Variants in EPM2A observed in about 807,000 individuals in gnomAD.
The protein encoded by EPM2A is EPM2A glucan phosphatase, laforin.
In EPM2A, 21 loss-of-function variants were observed where a neutral mutation model predicts 26.5. The ratio of observed to expected loss-of-function variants is 0.79; its 90% CI spans 0.56 to 1.14. The LOEUF (loss-of-function observed/expected upper bound fraction) is 1.14. Ranked by LOEUF, EPM2A falls within the 50% of genes most tolerant of loss-of-function variation. The pLI is 0.00. For missense variants in EPM2A, 458 were observed against 440.8 expected, an observed-to-expected ratio of 1.04 and a Z score of -0.35; for synonymous variants, 217 against 177.6, an observed-to-expected ratio of 1.22 and a Z score of -1.76.
chr6:145,717,649 A>G lies in EPM2A; in HGVS notation c.301+17549T>C, dbSNP rs184356105. Among the ~76,000 whole-genome samples the G allele has an allele frequency of 4.2e-4, 64 of 152,156 alleles. No homozygotes were observed. In the East Asian group the frequency reaches 9.3e-3, roughly 22 times the overall value. On this transcript the variant is annotated intron_variant, in intron 1 of 3. Coordinates refer to ENST00000367519, the MANE Select transcript of EPM2A (RefSeq NM_005670.4). ...TAGGCAGGAGAAAGAAATAAAGGGTATTCAATTAGGAAAAGAGGAAGTCAA... is the reference window on the plus strand; with the variant it reads ...TAGGCAGGAGAAAGAAATAAAGGGTGTTCAATTAGGAAAAGAGGAAGTCAA...
At chr6:145,731,754 AT>A (rs1432998719) in intron 1 of EPM2A, among the ~76,000 whole-genome samples, 5 of 152,028 alleles carry the variant, frequency 3.3e-5, no homozygotes, top group Admixed American at 1.3e-4. Flanking sequence ...TTTAGAAGAA[AT>A]TTTTTTAATG....
At chr6:145,549,001 A>AGGG (rs756837093) in intron 2 of EPM2A, among the ~76,000 whole-genome samples, 8 of 152,082 alleles carry the variant, frequency 5.3e-5, no homozygotes, top group Non-Finnish European at 1.2e-4. Context: ...TACCCTGTAA[A>AGGG]TTTACATTGA....
At chr6:145,629,756 T>G (rs1776107651) in intron 3 of EPM2A, 1 of 152,218 alleles carries the variant, frequency 6.6e-6, no homozygotes, top group African/African-American at 2.4e-5. Context: ...TGTGCCTGTC[T>G]CTCCAGATAC....
chr6:145,647,831 A>G (rs1444886383), intron 2 of EPM2A, among the ~76,000 whole-genome samples: 1 of 152,228 alleles, frequency 6.6e-6, no homozygotes, highest in Non-Finnish European at 1.5e-5. Context: ...TTTGACTTTC[A>G]CAAAACTGTG....
At chr6:145,616,978 G>A (rs1775527444) in intron 2 of EPM2A, among the ~76,000 whole-genome samples, 1 of 152,152 alleles carries the variant, frequency 6.6e-6, no homozygotes, top group African/African-American at 2.4e-5. Context: ...ATGCTGAAAT[G>A]AGTTGAGACT....
chr6:145,575,372 C>G (rs780264707), intron 2 of EPM2A, among the ~76,000 whole-genome samples: 1 of 152,124 alleles, frequency 6.6e-6, no homozygotes, highest in Non-Finnish European at 1.5e-5. Flanking sequence ...AGACACCTGG[C>G]GAGGCAGTGC....
chr6:145,576,210 CA>C (rs1781029234), intron 2 of EPM2A, among the ~76,000 whole-genome samples: 1 of 152,154 alleles, frequency 6.6e-6, no homozygotes, highest in South Asian at 2.1e-4. Flanking sequence ...GCTAAAATTA[CA>C]ATTCTAGAAT....
rs1241113061 is a variant in EPM2A at position 145,602,626 on chromosome 6, T to C, written c.340+32619A>G. Reference sequence around the variant, plus strand: ...GGAAGCCATTCCTATACCAGGATGGTTGTCAATAGTTTAGTTTAATTCCTC... The same window carrying C: ...GGAAGCCATTCCTATACCAGGATGGCTGTCAATAGTTTAGTTTAATTCCTC... On this transcript the variant is annotated intron_variant, in intron 2 of 3. Transcript: ENST00000450221. Among the ~76,000 whole-genome samples the C allele has an allele frequency of 2.0e-5, 3 of 152,198 alleles. No homozygotes were observed. The East Asian group carries it at 5.8e-4, about 29-fold the overall frequency.
At chr6:145,716,219 A>C (rs1775613298) in intron 1 of EPM2A, among the ~76,000 whole-genome samples, 2 of 152,218 alleles carry the variant, frequency 1.3e-5, no homozygotes, top group Admixed American at 1.3e-4. Context: ...ACAGATGCAG[A>C]ATCCATAGGG....
intron 2 of EPM2A, among the ~76,000 whole-genome samples, chr6:145,609,109 T>C (rs76969475): frequency 0.015 from 2,237 of 152,176 alleles, 45 homozygotes; most frequent in African/African-American, 0.05. Flanking sequence ...GTCAGAAGAG[T>C]AAGGAAATAG....
At chr6:145,505,258 T>A (rs554368921) in intron 2 of EPM2A, among the ~76,000 whole-genome samples, 88 of 146,242 alleles carry the variant, frequency 6.0e-4, no homozygotes, top group African/African-American at 1.6e-3. Flanking sequence ...AAAAAAAAAA[T>A]TTATTTTGAA....
chr6:145,618,443 C>A (rs1349486616), intron 2 of EPM2A, among the ~76,000 whole-genome samples: 1 of 152,184 alleles, frequency 6.6e-6, no homozygotes, highest in Non-Finnish European at 1.5e-5. Flanking sequence ...ACCCAAATCT[C>A]ATCTTGAATT....
Position 145,626,777 on chromosome 6 carries a change from A to T in EPM2A, c.*639T>A. 1 of 985,758 alleles carries T rather than the reference A, an allele frequency of 1.0e-6. No homozygotes were observed. The highest frequency in any genetic ancestry group is 1.2e-6 in the Non-Finnish European group (1 of 830,366). 61.1% of individuals were successfully genotyped at this position (985,758 alleles called of 1,614,324 possible). A position where few individuals can be genotyped will look rare whatever the true frequency, so the allele number is the denominator to read the frequency against. ...TTGCTTTGTTTGGTAATTTTGAGGA[A>T]AAACAACAACAAATGAGAGATAATT... is the stretch of plus-strand genomic sequence containing the variant. On this transcript the variant is annotated 3_prime_UTR_variant, in exon 4 of 4. Coordinates refer to ENST00000367519, the MANE Select transcript of EPM2A (RefSeq NM_005670.4).
intron 1 of EPM2A, among the ~76,000 whole-genome samples, chr6:145,696,608 T>C (rs1245613333): frequency 2.6e-5 from 4 of 152,110 alleles, no homozygotes; most frequent in African/African-American, 9.7e-5. Context: ...AAGTAACCCA[T>C]ACAGCAATGA....
In EPM2A at chr6:145,631,532, T is replaced by G. The variant is rs1776250589; in HGVS notation, c.718+3713A>C. 2.0e-5 allele frequency: 3 copies of G among 152,276 alleles called. No homozygotes were observed. In the South Asian group the frequency reaches 6.2e-4, roughly 32 times the overall value. The allele number at this position is 152,276 out of a possible 1,614,324, so 9.4% of individuals were successfully genotyped here. A position where few individuals can be genotyped will look rare whatever the true frequency, so the allele number is the denominator to read the frequency against. Reference sequence around the variant, plus strand: ...TCAGTAGATGCTCCATACACACTCATTAAGTCCATGAATAAACACAAGACT... The same window carrying G: ...TCAGTAGATGCTCCATACACACTCAGTAAGTCCATGAATAAACACAAGACT... On this transcript the variant is annotated intron_variant, in intron 3 of 3. Transcript: ENST00000367519.
At chr6:145,733,604 T>C (rs1274639509) in intron 1 of EPM2A, among the ~76,000 whole-genome samples, 1 of 152,194 alleles carries the variant, frequency 6.6e-6, no homozygotes, top group African/African-American at 2.4e-5. Context: ...TTTCCATTTT[T>C]ATTACAATTA....
intron 4 of EPM2A, among the ~76,000 whole-genome samples, chr6:145,404,567 T>C (rs4896803): frequency 0.38 from 57,053 of 151,854 alleles, 10,978 homozygotes; most frequent in South Asian, 0.46. Flanking sequence ...TGAAGTATTG[T>C]CCTGATTACT....
intron 2 of EPM2A, among the ~76,000 whole-genome samples, chr6:145,508,193 A>G (rs1780005382): frequency 6.6e-6 from 1 of 152,210 alleles, no homozygotes; most frequent in Non-Finnish European, 1.5e-5. Flanking sequence ...AAGGTCTTCC[A>G]GGTGGGGCCT....
intron 2 of EPM2A, among the ~76,000 whole-genome samples, chr6:145,505,510 A>G (rs1472897057): frequency 6.6e-6 from 1 of 152,274 alleles, no homozygotes; most frequent in East Asian, 1.9e-4. Flanking sequence ...TAGTCAGTAT[A>G]TTTTAAAATT....
Sources: allele counts gnomAD v4.1 joint callset (sites outside exome capture counted in the v4.1 genomes callset), GRCh38; gene constraint gnomAD v4.1.1; transcripts MANE v1.5; gene names NCBI Gene and HGNC (gene_info 2026-07-23, HGNC 2026-07-21).